The following EHD4 variants were observed in gnomAD, a reference collection of about 807,000 sequenced individuals.
The protein encoded by EHD4 is EH domain containing 4.
A neutral mutation model predicts 51.0 loss-of-function variants in EHD4; 37 were observed. The observed-to-expected ratio is 0.73, with a 90% CI of 0.56 to 0.95. The LOEUF is 0.95. EHD4 is among the 40% of genes least tolerant of loss of function. The pLI, the probability that EHD4 is intolerant of heterozygous loss-of-function variation, is 0.00. For missense variants in EHD4, 632 were observed against 733.1 expected (o/e 0.86, Z 1.59); for synonymous variants, 297 against 317.3 (o/e 0.94, Z 0.68).
At chr15:41,969,826 A>G (rs1307323769) in intron 1 of EHD4, among the ~76,000 whole-genome samples, 1 of 152,206 alleles carries the variant, frequency 6.6e-6, no homozygotes, top group African/African-American at 2.4e-5. Context: ...GCCAACAGCA[A>G]TAAGAGAAGA....
At chr15:41,916,642 G>A (rs2067585741) in intron 4 of EHD4, among the ~76,000 whole-genome samples, 2 of 152,340 alleles carry the variant, frequency 1.3e-5, no homozygotes, top group African/African-American at 4.8e-5. Context: ...AAGTTCAGCG[G>A]TGGAACATGA....
chr15:41,956,601 C>G (rs2067889870), intron 1 of EHD4, among the ~76,000 whole-genome samples: 2 of 152,158 alleles, frequency 1.3e-5, no homozygotes, highest in Admixed American at 1.3e-4. Context: ...GCAATCGAAG[C>G]CAGAGTTTTC....
At chr15:41,924,759 A>C (rs982496783) in intron 3 of EHD4, among the ~76,000 whole-genome samples, 1 of 152,146 alleles carries the variant, frequency 6.6e-6, no homozygotes. Flanking sequence ...AAATTCACCA[A>C]ACTGTACAAT....
chr15:41,951,640 G>A (rs2067853145), intron 2 of EHD4, among the ~76,000 whole-genome samples: 1 of 152,196 alleles, frequency 6.6e-6, no homozygotes, highest in South Asian at 2.1e-4. Flanking sequence ...CCCAGACAAA[G>A]GGCAGTGGCA....
In EHD4 at chr15:41,898,334, T is replaced by TA. The variant is rs550510413; in HGVS notation, c.*2310dup. On this transcript the variant is annotated 3_prime_UTR_variant, in exon 6 of 6. Transcript: ENST00000220325. ...CAGCTTTCTGTATCCAGACAAAACT[T>TA]ACATATGTACACGTTGTTTTAAAAC... is the stretch of plus-strand genomic sequence containing the variant. 6.6e-5 allele frequency: 10 copies of TA among 152,334 alleles called. No homozygotes were observed. Among genetic ancestry groups the TA allele is most frequent in the African/African-American group, 2.4e-4 (10 of 41,568 alleles). 9.4% of individuals were successfully genotyped at this position (152,334 alleles called of 1,614,324 possible).
chr15:41,923,973 G>T (rs2067644548), intron 3 of EHD4, among the ~76,000 whole-genome samples: 1 of 152,176 alleles, frequency 6.6e-6, no homozygotes, highest in African/African-American at 2.4e-5. Flanking sequence ...AAATATCTGG[G>T]CCAACTTTGA....
intron 3 of EHD4, among the ~76,000 whole-genome samples, chr15:41,930,128 A>C (rs1005545802): frequency 6.6e-6 from 1 of 152,218 alleles, no homozygotes; most frequent in African/African-American, 2.4e-5. Flanking sequence ...TCTATACTGA[A>C]AGAAACTATC....
chr15:41,906,522 G>A (rs1025946467), intron 5 of EHD4, among the ~76,000 whole-genome samples: 5 of 152,120 alleles, frequency 3.3e-5, no homozygotes, highest in Admixed American at 1.3e-4. Flanking sequence ...CCCACCAAAC[G>A]CAGGTACCCA....
In EHD4 at chr15:41,919,491, C is replaced by T. The variant is rs150673276; in HGVS notation, c.643G>A (p.Asp215Asn). 45 of 1,554,832 alleles carry T rather than the reference C, an allele frequency of 2.9e-5. No individual in the cohort carries two copies. The highest frequency in any genetic ancestry group is 3.5e-5 in the Non-Finnish European group (40 of 1,153,216). ...EAIKAFRGQD[D>N]KIRVVLNKAD... is the part of the protein sequence containing the mutation. The stretch of plus-strand genomic sequence containing the variant: ...TTGTTCAGCACGACACGGATCTTGT[C>T]GTCCTGGCCCCGGAAGGCCTTGATG... The change falls in exon 4 of 6, where the codon GAC (aspartate) becomes AAC (asparagine). Residue 215 changes from aspartate (D) to asparagine (N), a missense_variant. By Grantham distance (23) the Asp-to-Asn change is conservative (BLOSUM62 1). Coordinates refer to ENST00000220325, the MANE Select transcript of EHD4 (RefSeq NM_139265.4).
At chr15:41,905,239 C>T (rs967494485) in intron 5 of EHD4, among the ~76,000 whole-genome samples, 30 of 152,324 alleles carry the variant, frequency 2.0e-4, no homozygotes, top group African/African-American at 7.2e-4. Context: ...TCCTGACAGG[C>T]TCCAGGCTGC....
chr15:41,902,291 C>T (rs901885782), intron 5 of EHD4, among the ~76,000 whole-genome samples: 2 of 151,850 alleles, frequency 1.3e-5, no homozygotes, highest in African/African-American at 4.8e-5. Context: ...ATCCATCCAT[C>T]CAACAACCCA....
chr15:41,950,862 A>C (rs1404660684), intron 2 of EHD4, among the ~76,000 whole-genome samples: 1 of 152,134 alleles, frequency 6.6e-6, no homozygotes, highest in Admixed American at 6.5e-5. Context: ...CGGCCTTCTC[A>C]TTTGTAGATT....
chr15:41,925,340 C>T (rs1476868422), intron 3 of EHD4, among the ~76,000 whole-genome samples: 1 of 152,226 alleles, frequency 6.6e-6, no homozygotes, highest in East Asian at 1.9e-4. Flanking sequence ...AGCGGCTAAC[C>T]TGCATCCTGC....
chr15:41,939,220 C>T (rs2140997376), intron 3 of EHD4, among the ~76,000 whole-genome samples: 2 of 152,220 alleles, frequency 1.3e-5, no homozygotes, highest in African/African-American at 4.8e-5. Flanking sequence ...TACTAAAATA[C>T]AAGAAAAGAA....
At chr15:41,945,272 T>C (rs572659636) in intron 2 of EHD4, among the ~76,000 whole-genome samples, 67 of 152,266 alleles carry the variant, frequency 4.4e-4, no homozygotes, top group African/African-American at 1.6e-3. Context: ...AGCCACCCCC[T>C]AGATTCTCAG....
intron 2 of EHD4, among the ~76,000 whole-genome samples, chr15:41,949,552 G>A (rs150371520): frequency 4.4e-4 from 67 of 152,060 alleles, no homozygotes; most frequent in African/African-American, 1.6e-3. Flanking sequence ...CCATCATCAG[G>A]CCCAGCTAAA....
At chr15:41,903,900 C>G in intron 5 of EHD4, among the ~76,000 whole-genome samples, 1 of 152,250 alleles carries the variant, frequency 6.6e-6, no homozygotes, top group Non-Finnish European at 1.5e-5. Flanking sequence ...TACTGCAGGC[C>G]GGGTCTCTCA....
chr15:41,963,612 A>C (rs900048506), intron 1 of EHD4, among the ~76,000 whole-genome samples: 6 of 151,986 alleles, frequency 3.9e-5, no homozygotes, highest in Admixed American at 1.3e-4. Context: ...AAAAAAAAAA[A>C]AAAAGAATAT....
intron 1 of EHD4, among the ~76,000 whole-genome samples, chr15:41,966,156 C>A (rs147683767): frequency 3.3e-5 from 5 of 152,094 alleles, no homozygotes; most frequent in Admixed American, 2.6e-4. Context: ...TGTGGCCAGG[C>A]CTCCTTCCCC....
Sources: gnomAD v4.1 joint callset for allele counts (sites outside exome capture counted in the v4.1 genomes callset) on GRCh38, gnomAD v4.1.1 for gene constraint, MANE v1.5 for transcripts, NCBI Gene and HGNC (gene_info 2026-07-23, HGNC 2026-07-21) for gene names.